MYH14: variants seen among roughly 807,000 people sequenced by gnomAD.
The protein encoded by MYH14 is myosin heavy chain 14, also known as myosin-14.
Under a neutral mutation model 255.5 loss-of-function variants are expected in MYH14, and 123 were observed. The observed-to-expected ratio is 0.48, with a 90% CI of 0.42 to 0.56. MYH14 has a LOEUF of 0.56. Ranked by LOEUF, MYH14 falls within the 20% of genes least tolerant of loss-of-function variation. MYH14 has a pLI of 0.00. For synonymous variants in MYH14, 1,095 were observed against 1,161.2 expected (o/e 0.94, Z 1.16); for missense variants, 2,423 against 2,802.3 (o/e 0.86, Z 3.06).
Position 50,260,782 on chromosome 19 carries a change from T to TGA in MYH14, c.2424+68_2424+69insAG, listed in dbSNP as rs150876881. 0.027 allele frequency: 32,214 copies of TGA among 1,214,278 alleles called. 840 individuals carry two copies. The highest frequency in any genetic ancestry group is 0.077 in the African/African-American group (5,071 of 65,608). 75.2% of individuals were successfully genotyped at this position (1,214,278 alleles called of 1,614,324 possible). ...GTGTGCGTGCATGAGTGTGCGTGCA[T>TGA]GTGTGTGTGCATGCATATGTGTGCA... On this transcript the variant is annotated intron_variant, in intron 20 of 42. Transcript: ENST00000642316.
chr19:50,236,709 A>G (rs1425949918), intron 10 of MYH14, among the ~76,000 whole-genome samples: 1 of 151,996 alleles, frequency 6.6e-6, no homozygotes, highest in Non-Finnish European at 1.5e-5. Flanking sequence ...CTCCATCTCA[A>G]AAAAAAAGAA....
intron 1 of MYH14, among the ~76,000 whole-genome samples, chr19:50,204,007 C>A (rs901413333): frequency 1.3e-5 from 2 of 152,160 alleles, no homozygotes; most frequent in African/African-American, 4.8e-5. Flanking sequence ...CGCCTCCAGT[C>A]CCCCGCCCCC....
At chr19:50,249,431 G>C (rs1369933978) in intron 13 of MYH14, 1 of 615,414 alleles carries the variant, frequency 1.6e-6, no homozygotes, top group Non-Finnish European at 2.7e-6. Flanking sequence ...CTGTCTCTGG[G>C]TCTCTGCCTC....
chr19:50,249,558 A>C (rs760028670), intron 13 of MYH14, 92 bp from the exon 14 acceptor site: 2 of 703,082 alleles, frequency 2.8e-6, no homozygotes, highest in Admixed American at 2.4e-5. Context: ...CTCTCGATGC[A>C]TCTCTGTCCC....
intron 5 of MYH14, 28 bp downstream of exon 5, chr19:50,223,377 C>G: frequency 6.9e-7 from 1 of 1,440,806 alleles, no homozygotes; most frequent in Non-Finnish European, 9.6e-7. Context: ...GGGTCACCCC[C>G]GGGCCCTGCC....
In MYH14 at chr19:50,250,101, T is replaced by C. The variant is rs1376125182; in HGVS notation, c.1656+278T>C. Among the ~76,000 whole-genome samples, 1 of 152,056 alleles carries C rather than the reference T, an allele frequency of 6.6e-6. No individual in the cohort carries two copies. Among genetic ancestry groups the C allele is most frequent in the African/African-American group, 2.4e-5 (1 of 41,368 alleles). On this transcript the variant is annotated intron_variant, in intron 14 of 42. Coordinates refer to ENST00000642316, the MANE Select transcript of MYH14 (RefSeq NM_001145809.2). The surrounding 1 kb of genome is among the most constrained non-coding windows in gnomAD (Gnocchi z 5.4). ...TTGTTTTTTGTTTGTTTGTTTTGTT[T>C]TGTTTTGTTTTTTTCTTGAGACGGA... is the stretch of plus-strand genomic sequence containing the variant.
At chr19:50,278,927 G>T (rs1042099227) in intron 30 of MYH14, among the ~76,000 whole-genome samples, 3 of 152,080 alleles carry the variant, frequency 2.0e-5, no homozygotes, top group Non-Finnish European at 2.9e-5. Flanking sequence ...GGCAGAGGTT[G>T]TGATGAGCTG....
intron 8 of MYH14, among the ~76,000 whole-genome samples, chr19:50,229,597 G>A (rs2033274722): frequency 1.3e-5 from 2 of 152,164 alleles, no homozygotes; most frequent in South Asian, 4.1e-4. Flanking sequence ...CTGTGATTGT[G>A]CTGCTGTGCT....
rs1042482876 is a variant in MYH14, at chr19:50,240,421, A to AT, written c.1115-3814dup. 3.9e-5 allele frequency among the ~76,000 whole-genome samples: 6 copies of AT among 152,162 alleles called. No homozygotes were observed. In the East Asian group the frequency reaches 5.8e-4, roughly 15 times the overall value. On this transcript the variant is annotated intron_variant, in intron 10 of 42. Transcript: ENST00000642316. The stretch of plus-strand genomic sequence containing the variant: ...TGCCAAGATCCCATCTGGACAAAAC[A>AT]TTTTTTTAAATTAGCTGGGCATGGT...
At chr19:50,282,380 C>T (rs1205315916) in intron 33 of MYH14, among the ~76,000 whole-genome samples, 1 of 152,224 alleles carries the variant, frequency 6.6e-6, no homozygotes, top group East Asian at 1.9e-4. Context: ...TGCTCAACCT[C>T]TCTGTGCTTT....
chr19:50,251,512 TATACACACTAC>T (rs1568500372), intron 15 of MYH14, among the ~76,000 whole-genome samples: 20 of 41,972 alleles, frequency 4.8e-4, no homozygotes, highest in African/African-American at 7.7e-4. Flanking sequence ...CACATATATA[TATACACACTAC>T]ACACACACAC....
rs1454451615 is a variant in MYH14, at chr19:50,309,718, G to A, written c.6039G>A (p.Glu2013=). ...RLEEGVASDE[E]AEEAQPGSGP... is the part of the protein sequence containing the mutation. ...AGGAGGGCGTGGCATCCGACGAGGA[G>A]GCAGAGGAAGCACAGCCTGGGTCTG... The change falls in exon 43 of 43, where the codon GAG becomes GAA. Residue 2013 remains glutamate, a synonymous_variant. Transcript: ENST00000642316. 3.1e-6 allele frequency: 5 copies of A among 1,603,412 alleles called. No individual in the cohort carries two copies. Among genetic ancestry groups the A allele is most frequent in the Non-Finnish European group, 4.3e-6 (5 of 1,175,432 alleles).
chr19:50,310,279 A>G lies in MYH14; in HGVS notation c.*489A>G. Reference sequence around the variant, plus strand: ...GCATCTTTTTAGGAATCTCGCTCTCACTCTCTACGTAGCCACTCTCCTTCC... The same window carrying G: ...GCATCTTTTTAGGAATCTCGCTCTCGCTCTCTACGTAGCCACTCTCCTTCC... On this transcript the variant is annotated 3_prime_UTR_variant, in exon 43 of 43. Transcript: ENST00000642316. 2 of 185,120 alleles carry G rather than the reference A, an allele frequency of 1.1e-5. No individual in the cohort carries two copies. Among genetic ancestry groups the G allele is most frequent in the Non-Finnish European group, 2.2e-5 (2 of 91,298 alleles). The allele number at this position is 185,120 out of a possible 1,614,324, so 11.5% of individuals were successfully genotyped here.
At chr19:50,289,048 C>T (rs1417033077) in intron 34 of MYH14, among the ~76,000 whole-genome samples, 3 of 151,870 alleles carry the variant, frequency 2.0e-5, no homozygotes, top group South Asian at 2.1e-4. Flanking sequence ...CCTGGAGCTA[C>T]GTGCCTTCAA....
intron 11 of MYH14, among the ~76,000 whole-genome samples, chr19:50,244,789 C>T (rs973997489): frequency 1.3e-5 from 2 of 152,096 alleles, no homozygotes; most frequent in Non-Finnish European, 2.9e-5. Flanking sequence ...GGCCGATTTC[C>T]TGCTTTTTGC....
intron 3 of MYH14, 136 bp downstream of exon 3, chr19:50,217,907 G>A: frequency 6.6e-6 from 7 of 1,053,406 alleles, no homozygotes; most frequent in Non-Finnish European, 6.8e-6. Flanking sequence ...GGGGGCTGGA[G>A]GGAGCACAAG....
In MYH14 at chr19:50,230,503, C is replaced by A. The variant is rs776116309; in HGVS notation, c.875-22C>A. On this transcript the variant is annotated intron_variant, in intron 8 of 42. Coordinates refer to ENST00000642316, the MANE Select transcript of MYH14 (RefSeq NM_001145809.2). This position sits in a 1 kb window ranked among gnomAD's most constrained non-coding sequence, Gnocchi z 4.7. ...GTCGGGGCCGTCCCTTCCCCTCTAGCACCTTGACTCGCTGTGTCCAGACCT... is the reference window on the plus strand; with the variant it reads ...GTCGGGGCCGTCCCTTCCCCTCTAGAACCTTGACTCGCTGTGTCCAGACCT... 23 of 1,550,618 alleles carry A rather than the reference C, an allele frequency of 1.5e-5. No individual in the cohort carries two copies. In the South Asian group the frequency reaches 2.7e-4, roughly 18 times the overall value.
chr19:50,266,951 G>A lies in MYH14; in HGVS notation c.2769G>A (p.Gln923=). The A allele has an allele frequency of 6.4e-7, 1 of 1,562,180 alleles. No homozygotes were observed. The highest frequency in any genetic ancestry group is 8.7e-7 in the Non-Finnish European group (1 of 1,152,990). ...QARAQELQKV[Q]ELQQQSAREV... is the part of the protein sequence containing the mutation. ...GGGCCCAGGAGCTGCAGAAAGTGCAGGAGCTACAGCAGCAGAGCGCCCGCG... is the reference window on the plus strand; with the variant it reads ...GGGCCCAGGAGCTGCAGAAAGTGCAAGAGCTACAGCAGCAGAGCGCCCGCG... The change falls in exon 23 of 43, where the codon CAG becomes CAA. Residue 923 remains glutamine (Q), a synonymous_variant. Transcript: ENST00000642316. The surrounding 1 kb of genome is among the most constrained non-coding windows in gnomAD (Gnocchi z 4.1).
At chr19:50,222,205 G>T (rs2032858629) in intron 3 of MYH14, among the ~76,000 whole-genome samples, 2 of 152,116 alleles carry the variant, frequency 1.3e-5, no homozygotes, top group South Asian at 4.1e-4. Flanking sequence ...CTTCGGCCGG[G>T]TGCAGTGGCT....
Sources: gnomAD v4.1 joint callset for allele counts (sites outside exome capture counted in the v4.1 genomes callset) on GRCh38, gnomAD v4.1.1 for gene constraint, Gnocchi (gnomAD v3.1) non-coding constraint, MANE v1.5 for transcripts, NCBI Gene and HGNC (gene_info 2026-07-23, HGNC 2026-07-21) for gene names.